SETD3: variants seen among roughly 807,000 people sequenced by gnomAD.
SETD3 encodes the protein actin-histidine N-methyltransferase.
A neutral mutation model predicts 63.0 loss-of-function variants in SETD3; 19 were observed. That is an observed-to-expected ratio of 0.30 (90% confidence interval 0.21 to 0.44). The LOEUF is 0.44. SETD3 is among the 20% of genes least tolerant of loss of function. The pLI, the probability that SETD3 is intolerant of heterozygous loss-of-function variation, is 1.00. For missense variants in SETD3, 587 were observed against 728.5 expected, an observed-to-expected ratio of 0.81 and a Z score of 2.24; for synonymous variants, 286 against 264.1, an observed-to-expected ratio of 1.08 and a Z score of -0.80.
intron 6 of SETD3, among the ~76,000 whole-genome samples, chr14:99,425,195 T>C (rs1347789973): frequency 2.0e-5 from 3 of 152,204 alleles, no homozygotes; most frequent in African/African-American, 4.8e-5. Context: ...AATAACACTC[T>C]AGCAGGTTTG....
At chr14:99,480,488 G>A (rs1055358382) in intron 1 of SETD3, among the ~76,000 whole-genome samples, 1 of 151,056 alleles carries the variant, frequency 6.6e-6, no homozygotes, top group African/African-American at 2.4e-5. Flanking sequence ...GGGCGCCCGG[G>A]CAGAGGCCGA....
At chr14:99,451,673 T>C (rs1894472269) in intron 6 of SETD3, among the ~76,000 whole-genome samples, 1 of 151,520 alleles carries the variant, frequency 6.6e-6, no homozygotes, top group Non-Finnish European at 1.5e-5. Context: ...TGCCTAGCTA[T>C]TTTTTGTATT....
At chr14:99,473,660 C>A (rs1380091313) in intron 1 of SETD3, among the ~76,000 whole-genome samples, 1 of 152,126 alleles carries the variant, frequency 6.6e-6, no homozygotes, top group Middle Eastern at 3.2e-3. Context: ...GTAAAGCACA[C>A]TCGAGAGAGT....
chr14:99,431,400 A>G (rs1893169901), intron 6 of SETD3, among the ~76,000 whole-genome samples: 1 of 152,212 alleles, frequency 6.6e-6, no homozygotes, highest in Admixed American at 6.5e-5. Context: ...TTCCAACTCT[A>G]GCACTCCTTC....
At chr14:99,456,407 G>C (rs1242032688) in intron 6 of SETD3, among the ~76,000 whole-genome samples, 1 of 152,196 alleles carries the variant, frequency 6.6e-6, no homozygotes, top group Non-Finnish European at 1.5e-5. Flanking sequence ...TTTTAGTAAA[G>C]AGGAATAATT....
intron 1 of SETD3, among the ~76,000 whole-genome samples, chr14:99,474,624 G>A (rs1333277365): frequency 6.6e-5 from 10 of 152,104 alleles, no homozygotes; most frequent in Non-Finnish European, 1.3e-4. Context: ...CAGCATTTTG[G>A]GAGGCCGAGG....
intron 6 of SETD3, among the ~76,000 whole-genome samples, chr14:99,453,001 T>C (rs1409607307): frequency 1.3e-5 from 2 of 152,214 alleles, no homozygotes; most frequent in Non-Finnish European, 2.9e-5. Flanking sequence ...TTCATTTCTC[T>C]AGGGAGAGGG....
chr14:99,483,699 G>C (rs1896413024), upstream of SETD3, among the ~76,000 whole-genome samples: 1 of 152,236 alleles, frequency 6.6e-6, no homozygotes, highest in African/African-American at 2.4e-5. Context: ...AGACACAAGA[G>C]TTAAATGTGC....
intron 2 of SETD3, among the ~76,000 whole-genome samples, chr14:99,464,040 A>G (rs1216850279): frequency 6.6e-6 from 1 of 152,240 alleles, no homozygotes; most frequent in Non-Finnish European, 1.5e-5. Context: ...TAAGGGAACC[A>G]GTTAAATTGG....
intron 8 of SETD3, chr14:99,410,392 G>A: frequency 1.2e-6 from 1 of 803,970 alleles, no homozygotes; most frequent in Non-Finnish European, 1.9e-6. Context: ...GAAGGACCCT[G>A]AAAAAGAACT....
At chr14:99,483,742 C>T (rs1325807265), upstream of SETD3, among the ~76,000 whole-genome samples, 2 of 152,200 alleles carry the variant, frequency 1.3e-5, no homozygotes, top group East Asian at 3.8e-4. Flanking sequence ...GGATTTATAT[C>T]CATGCAAATT....
At chr14:99,468,064 T>C (rs901420297) in intron 1 of SETD3, among the ~76,000 whole-genome samples, 1 of 151,628 alleles carries the variant, frequency 6.6e-6, no homozygotes, top group African/African-American at 2.4e-5. Context: ...TTAAGTCCCT[T>C]CTCTTTGTCC....
At chr14:99,414,818 G>A (rs952456131) in intron 6 of SETD3, among the ~76,000 whole-genome samples, 2 of 152,122 alleles carry the variant, frequency 1.3e-5, no homozygotes, top group Non-Finnish European at 2.9e-5. Context: ...TGAACAAATG[G>A]TTATTTCTGA....
At chr14:99,427,695 T>G (rs1163977995) in intron 6 of SETD3, among the ~76,000 whole-genome samples, 2 of 152,186 alleles carry the variant, frequency 1.3e-5, no homozygotes, top group African/African-American at 4.8e-5. Context: ...CTGCACTGTG[T>G]GTCTGCTGCG....
upstream of SETD3, among the ~76,000 whole-genome samples, chr14:99,484,113 G>T (rs1896424128): frequency 6.6e-6 from 1 of 152,244 alleles, no homozygotes; most frequent in South Asian, 2.1e-4. Context: ...TGACAAAAGT[G>T]GTTCTAGGAT....
At chr14:99,450,034 C>G (rs796436901) in intron 6 of SETD3, among the ~76,000 whole-genome samples, 1 of 152,232 alleles carries the variant, frequency 6.6e-6, no homozygotes, top group South Asian at 2.1e-4. Flanking sequence ...GAGTGACAAT[C>G]TGCAATACAA....
chr14:99,440,160 T>C (rs2139716511), intron 6 of SETD3, among the ~76,000 whole-genome samples: 1 of 152,276 alleles, frequency 6.6e-6, no homozygotes, highest in East Asian at 1.9e-4. Flanking sequence ...AGAATATGAA[T>C]GTTACTATGT....
chr14:99,420,138 C>T, intron 6 of SETD3, among the ~76,000 whole-genome samples: 1 of 152,122 alleles, frequency 6.6e-6, no homozygotes, highest in African/African-American at 2.4e-5. Context: ...TCTCCAGGTC[C>T]CTGTTGATCC....
At chr14:99,406,244 T>C (rs1353459299) in intron 9 of SETD3, among the ~76,000 whole-genome samples, 1 of 152,220 alleles carries the variant, frequency 6.6e-6, no homozygotes, top group Non-Finnish European at 1.5e-5. Context: ...GTGTTACAAA[T>C]ATTTACAAAT....
Sources: allele counts gnomAD v4.1 joint callset (sites outside exome capture counted in the v4.1 genomes callset), GRCh38; gene constraint gnomAD v4.1.1; transcripts MANE v1.5; gene names NCBI Gene and HGNC (gene_info 2026-07-23, HGNC 2026-07-21).